The following SMC3 variants were observed in gnomAD, a reference collection of about 807,000 sequenced individuals.
SMC3 encodes the protein structural maintenance of chromosomes protein 3.
SMC3 carries 20 observed loss-of-function variants against 171.8 expected under a neutral mutation model. The observed-to-expected ratio is 0.12, with a 90% CI of 0.08 to 0.17. The LOEUF is 0.17. SMC3 is among the 10% of genes least tolerant of loss of function. SMC3 has a pLI of 1.00. For synonymous variants in SMC3, 464 were observed against 451.1 expected, an observed-to-expected ratio of 1.03 and a Z score of -0.36; for missense variants, 543 against 1,420.4, an observed-to-expected ratio of 0.38 and a Z score of 9.93.
chr10:110,598,295 G>T lies in SMC3; in HGVS notation c.2268+5G>T. ...GAGAAAACCTTCATGCCTAAGGTTC[G>T]TAAGTATATCTTTGGTTATAGATCG... On this transcript the variant is annotated splice_donor_5th_base_variant and intron_variant, in intron 20 of 28. Coordinates refer to ENST00000361804, the MANE Select transcript of SMC3 (RefSeq NM_005445.4). The T allele has an allele frequency of 6.2e-7, 1 of 1,612,740 alleles. No individual in the cohort carries two copies. The highest frequency in any genetic ancestry group is 8.5e-7 in the Non-Finnish European group (1 of 1,178,888).
At chr10:110,570,311 T>C (rs901035002) in intron 2 of SMC3, among the ~76,000 whole-genome samples, 1 of 152,226 alleles carries the variant, frequency 6.6e-6, no homozygotes, top group Admixed American at 6.5e-5. Context: ...TTACTAATGT[T>C]TCCAGAAGAC....
intron 17 of SMC3, among the ~76,000 whole-genome samples, chr10:110,592,197 A>G (rs1459631529): frequency 6.6e-6 from 1 of 152,004 alleles, no homozygotes; most frequent in African/African-American, 2.4e-5. Context: ...CTGGGGAGGC[A>G]GAGGTTGCAG....
rs767103498 is a variant in SMC3 at position 110,583,355 on chromosome 10, C to T, written c.805-29C>T. ...ATTCTGCTATTGTACTTCTAATTGC[C>T]TTATTTTCTGTTTAATACTTTTGAA... On this transcript the variant is annotated intron_variant, in intron 10 of 28. Coordinates refer to ENST00000361804, the MANE Select transcript of SMC3 (RefSeq NM_005445.4). The T allele has an allele frequency of 3.1e-6, 5 of 1,588,086 alleles. No homozygotes were observed. In the African/African-American group the frequency reaches 6.7e-5, roughly 21 times the overall value.
intron 25 of SMC3, 27 bp downstream of exon 25, chr10:110,602,205 TACAC>T (rs762809090): frequency 4.8e-5 from 76 of 1,571,810 alleles, no homozygotes; most frequent in East Asian, 3.4e-4. Flanking sequence ...AGTTAAAACA[TACAC>T]ACAGAGGACA....
chr10:110,585,370 A>G (rs1047104612), intron 13 of SMC3, among the ~76,000 whole-genome samples: 6 of 147,600 alleles, frequency 4.1e-5, no homozygotes, highest in African/African-American at 7.6e-5. Context: ...GCTCACTGCA[A>G]CCTCCACCTC....
intron 13 of SMC3, among the ~76,000 whole-genome samples, chr10:110,586,462 T>C (rs570292779): frequency 9.8e-5 from 15 of 152,328 alleles, no homozygotes; most frequent in African/African-American, 2.9e-4. Context: ...ATGAGTTTTC[T>C]CTTGAGTTTA....
chr10:110,584,486 G>A (rs374859544), intron 13 of SMC3, 90 bp downstream of exon 13: 2 of 876,664 alleles, frequency 2.3e-6, no homozygotes, highest in East Asian at 2.5e-5. Flanking sequence ...TTTTAAATAA[G>A]TCTACATGTT....
intron 13 of SMC3, among the ~76,000 whole-genome samples, chr10:110,584,813 C>T (rs570377114): frequency 1.4e-4 from 21 of 152,138 alleles, no homozygotes; most frequent in Admixed American, 7.9e-4. Context: ...TTTGTAGAGA[C>T]GAGGTCTTGC....
At chr10:110,577,358 A>C in intron 4 of SMC3, 63 bp from the exon 5 acceptor site, 1 of 1,250,968 alleles carries the variant, frequency 8.0e-7, no homozygotes, top group Non-Finnish European at 1.2e-6. Context: ...AGACTTTAAG[A>C]ATCCTTTAAA....
chr10:110,603,969 C>T (rs1040082340), intron 28 of SMC3, among the ~76,000 whole-genome samples: 6 of 151,790 alleles, frequency 4.0e-5, no homozygotes, highest in Non-Finnish European at 5.9e-5. Context: ...CTGGCGTGCA[C>T]CTGTCGTCCC....
In SMC3 at chr10:110,605,628, C is replaced by A. The variant is rs530517727; in HGVS notation, c.*1326C>A. 2.6e-5 allele frequency among the ~76,000 whole-genome samples: 4 copies of A among 152,028 alleles called. No homozygotes were observed. The highest frequency in any genetic ancestry group is 5.9e-5 in the Non-Finnish European group (4 of 67,978). On this transcript the variant is annotated 3_prime_UTR_variant, in exon 29 of 29. Coordinates refer to ENST00000361804, the MANE Select transcript of SMC3 (RefSeq NM_005445.4). ...TTGACTGGCTGAATCTTTAAATGTTCGGTGTATTATTTATACTTTGTAGCT... is the reference window on the plus strand; with the variant it reads ...TTGACTGGCTGAATCTTTAAATGTTAGGTGTATTATTTATACTTTGTAGCT...
chr10:110,603,403 T>C, intron 28 of SMC3, 113 bp downstream of exon 28: 4 of 711,998 alleles, frequency 5.6e-6, no homozygotes, highest in Non-Finnish European at 9.6e-6. Flanking sequence ...TTTGCTTATC[T>C]GATGTCTTTG....
At chr10:110,601,552 T>A in intron 23 of SMC3, 85 bp from the exon 24 acceptor site, 8 of 1,396,888 alleles carry the variant, frequency 5.7e-6, no homozygotes, top group Non-Finnish European at 7.9e-6. Context: ...CCTATTTTGG[T>A]AGGTTTGATC....
At chr10:110,574,964 A>G (rs1263582167) in intron 3 of SMC3, among the ~76,000 whole-genome samples, 1 of 152,216 alleles carries the variant, frequency 6.6e-6, no homozygotes, top group African/African-American at 2.4e-5. Context: ...AAAGGATTTT[A>G]ACTCATATCA....
intron 4 of SMC3, among the ~76,000 whole-genome samples, chr10:110,577,077 G>GAAT (rs1485945991): frequency 6.6e-6 from 1 of 152,134 alleles, no homozygotes; most frequent in Non-Finnish European, 1.5e-5. Flanking sequence ...GTGGTCTGTA[G>GAAT]AATCATATTT....
At position 110,577,882 on chromosome 10, in the gene SMC3, G is replaced by A; in HGVS notation, c.318G>A (p.Lys106=). 1 of 1,613,044 alleles carries A rather than the reference G, an allele frequency of 6.2e-7. No homozygotes were observed. Among genetic ancestry groups the A allele is most frequent in the Admixed American group, 1.7e-5 (1 of 60,006 alleles). The change falls in exon 6 of 29, where the codon AAG becomes AAA. Residue 106 remains lysine (K), a synonymous_variant. Coordinates refer to ENST00000361804, the MANE Select transcript of SMC3 (RefSeq NM_005445.4). ...TTCGAAGAGTTATTGGTGCCAAAAA[G>A]GATCAGTATTTCTTAGACAAGAAGA... ...VSLRRVIGAK[K]DQYFLDKKMV...
intron 19 of SMC3, among the ~76,000 whole-genome samples, chr10:110,597,843 G>A (rs1861324993): frequency 6.6e-6 from 1 of 152,200 alleles, no homozygotes; most frequent in South Asian, 2.1e-4. Context: ...ATGTAATATT[G>A]TTAGATTTCA....
intron 17 of SMC3, 78 bp downstream of exon 17, chr10:110,591,210 C>T: frequency 7.3e-7 from 1 of 1,364,950 alleles, no homozygotes; most frequent in Non-Finnish European, 1.0e-6. Flanking sequence ...ATGCTAGTGC[C>T]CAGGCACTAT....
chr10:110,585,987 G>C (rs1389549373), intron 13 of SMC3, among the ~76,000 whole-genome samples: 1 of 151,912 alleles, frequency 6.6e-6, no homozygotes, highest in African/African-American at 2.4e-5. Flanking sequence ...TTAGTAGAAT[G>C]GCGTTTCACT....
Sources: gnomAD v4.1 joint callset for allele counts (sites outside exome capture counted in the v4.1 genomes callset) on GRCh38, gnomAD v4.1.1 for gene constraint, MANE v1.5 for transcripts, NCBI Gene and HGNC (gene_info 2026-07-23, HGNC 2026-07-21) for gene names.